Variants in PLVAP observed in about 807,000 individuals in gnomAD.
PLVAP encodes plasmalemma vesicle-associated protein.
A neutral mutation model predicts 43.1 loss-of-function variants in PLVAP; 34 were observed. The ratio of observed to expected loss-of-function variants is 0.79; its 90% CI spans 0.60 to 1.05. The LOEUF (loss-of-function observed/expected upper bound fraction) is 1.05, where lower values mean the gene tolerates loss of function less well. PLVAP is among the 50% of genes least tolerant of loss of function. The pLI is 0.00. For missense variants in PLVAP, 574 were observed against 593.4 expected (o/e 0.97, Z 0.34); for synonymous variants, 241 against 237.3 (o/e 1.02, Z -0.14).
rs1316539150 is a variant in PLVAP at position 17,351,782 on chromosome 19, C to G, written c.*580G>C. Reference sequence around the variant, plus strand: ...GGCCCGTGTGCCAGGGTCGGGGGAACGTGACACTAGGTGAGAATTGGGTAG... The same window carrying G: ...GGCCCGTGTGCCAGGGTCGGGGGAAGGTGACACTAGGTGAGAATTGGGTAG... On this transcript the variant is annotated 3_prime_UTR_variant, in exon 6 of 6. Transcript: ENST00000252590. 3 of 153,124 alleles carry G rather than the reference C, an allele frequency of 2.0e-5. No individual in the cohort carries two copies. Among genetic ancestry groups the G allele is most frequent in the Admixed American group, 6.5e-5 (1 of 15,370 alleles). 9.5% of individuals were successfully genotyped at this position (153,124 alleles called of 1,614,324 possible).
chr19:17,375,880 C>CAA (rs35375080), intron 1 of PLVAP, among the ~76,000 whole-genome samples: 1,571 of 132,746 alleles, frequency 0.012, 24 homozygotes, highest in African/African-American at 0.039. Flanking sequence ...GACTCCGTCT[C>CAA]AAAAAAAAAA....
At chr19:17,359,423 T>C (rs1361819391) in intron 5 of PLVAP, among the ~76,000 whole-genome samples, 1 of 150,022 alleles carries the variant, frequency 6.7e-6, no homozygotes, top group Non-Finnish European at 1.5e-5. Flanking sequence ...CTCTCTTTTT[T>C]TGAGACAGAG....
intron 1 of PLVAP, among the ~76,000 whole-genome samples, chr19:17,375,543 C>G (rs2074591445): frequency 6.6e-6 from 1 of 151,560 alleles, no homozygotes. Context: ...AGTTCAAGAC[C>G]AGCCTCAGCA....
chr19:17,352,990 G>T (rs1446119482), intron 5 of PLVAP, among the ~76,000 whole-genome samples: 2 of 151,840 alleles, frequency 1.3e-5, no homozygotes, highest in African/African-American at 4.8e-5. Flanking sequence ...GCACCCTCCG[G>T]CCCCACCGCC....
Position 17,365,383 on chromosome 19 carries a change from A to G in PLVAP, c.1082T>C (p.Leu361Pro). 2.5e-6 allele frequency: 4 copies of G among 1,613,408 alleles called. No individual in the cohort carries two copies. Among genetic ancestry groups the G allele is most frequent in the Non-Finnish European group, 3.4e-6 (4 of 1,180,022 alleles). Residue 361 changes from leucine to proline, a missense_variant, in exon 3 of 6, where the codon CTG (leucine) becomes CCG (proline). By Grantham distance (98) the Leu-to-Pro change is moderately conservative. Transcript: ENST00000252590. ...KAVLRKERDNLAKELEEKKRE... is the reference protein window; with the variant it reads ...KAVLRKERDNPAKELEEKKRE... The stretch of plus-strand genomic sequence containing the variant: ...CTTCTTCTCTTCCAGCTCCTTGGCC[A>G]GGTTGTCTCGTTCCTTCCGCAGCAC...
At chr19:17,373,894 G>GCTC (rs998622581) in intron 1 of PLVAP, among the ~76,000 whole-genome samples, 13 of 152,284 alleles carry the variant, frequency 8.5e-5, no homozygotes, top group African/African-American at 3.1e-4. Context: ...AGGCGCAATG[G>GCTC]CTCACTCCTG....
At chr19:17,368,224 A>C (rs1425515546) in intron 1 of PLVAP, among the ~76,000 whole-genome samples, 1 of 151,884 alleles carries the variant, frequency 6.6e-6, no homozygotes, top group Admixed American at 6.6e-5. Flanking sequence ...GGCACGCACC[A>C]CCATGCTTGG....
Position 17,364,890 on chromosome 19 carries a change from A to T in PLVAP, c.1179+396T>A, listed in dbSNP as rs148601771. On this transcript the variant is annotated intron_variant, in intron 3 of 5. Transcript: ENST00000252590. ...CGGGTTCAAGCGATTCTCCTGCTTC[A>T]GCCTCCTGAGTAGCTGGGATTACAG... Among the ~76,000 whole-genome samples, 256 of 146,226 alleles carry T rather than the reference A, an allele frequency of 1.8e-3. 1 individual carries two copies. Among genetic ancestry groups the T allele is most frequent in the Non-Finnish European group, 2.8e-3 (187 of 67,486 alleles).
At chr19:17,361,077 G>T in intron 3 of PLVAP, 1 of 431,262 alleles carries the variant, frequency 2.3e-6, no homozygotes, top group Non-Finnish European at 4.2e-6. Flanking sequence ...ACCATGCCTG[G>T]CTAATTTTTT....
chr19:17,360,505 C>G, intron 5 of PLVAP, 23 bp downstream of exon 5: 1 of 1,606,678 alleles, frequency 6.2e-7, no homozygotes, highest in Non-Finnish European at 8.5e-7. Context: ...GACTGAACAA[C>G]TGCAGTCTGC....
chr19:17,355,993 T>C (rs1276537664), intron 5 of PLVAP, among the ~76,000 whole-genome samples: 1 of 152,160 alleles, frequency 6.6e-6, no homozygotes, highest in South Asian at 2.1e-4. Context: ...GGCGCACACA[T>C]CACCAACAGA....
chr19:17,376,425 G>A (rs955656389), intron 1 of PLVAP, among the ~76,000 whole-genome samples: 13 of 151,992 alleles, frequency 8.6e-5, no homozygotes, highest in African/African-American at 3.1e-4. Context: ...AGGAGATTGA[G>A]GTTGCAGTGA....
intron 1 of PLVAP, among the ~76,000 whole-genome samples, chr19:17,372,488 G>A (rs1198834743): frequency 6.7e-6 from 1 of 149,200 alleles, no homozygotes; most frequent in African/African-American, 2.4e-5. Flanking sequence ...ACGGAGTCTC[G>A]CTCTGTCGCC....
intron 3 of PLVAP, among the ~76,000 whole-genome samples, chr19:17,363,760 T>TGA (rs1393348562): frequency 9.4e-6 from 1 of 106,660 alleles, no homozygotes; most frequent in African/African-American, 3.5e-5. Context: ...TTTTTTTTTT[T>TGA]GAGAGAGAAT....
chr19:17,360,866 G>A, intron 3 of PLVAP, 34 bp from the exon 4 acceptor site: 2 of 1,577,890 alleles, frequency 1.3e-6, no homozygotes, highest in Non-Finnish European at 1.7e-6. Flanking sequence ...GTTGGTAGGA[G>A]CCAGGGCTTC....
Position 17,365,770 on chromosome 19 carries a change from T to C in PLVAP, c.695A>G (p.Lys232Arg), listed in dbSNP as rs1195311246. 5 of 1,614,110 alleles carry C rather than the reference T, an allele frequency of 3.1e-6. No individual in the cohort carries two copies. The highest frequency in any genetic ancestry group is 4.2e-6 in the Non-Finnish European group (5 of 1,180,016). Residue 232 changes from lysine (K) to arginine (R), a missense_variant, in exon 3 of 6, where the codon AAG becomes AGG. Lys to Arg is a conservative substitution (Grantham distance 26). Transcript: ENST00000252590. ...QALCLPLDKDKFEMDLRNLWR... is the reference protein window; with the variant it reads ...QALCLPLDKDRFEMDLRNLWR... ...CAGGTTACGAAGGTCCATCTCAAAC[T>C]TGTCCTTGTCCAGGGGCAGGCAGAG...
intron 5 of PLVAP, among the ~76,000 whole-genome samples, chr19:17,357,783 A>G (rs1191495711): frequency 6.6e-6 from 1 of 152,234 alleles, no homozygotes; most frequent in African/African-American, 2.4e-5. Flanking sequence ...AGGCGAGTCA[A>G]GGGCAGAAGC....
At chr19:17,372,677 C>T (rs557034312) in intron 1 of PLVAP, among the ~76,000 whole-genome samples, 13 of 150,540 alleles carry the variant, frequency 8.6e-5, no homozygotes, top group African/African-American at 1.7e-4. Context: ...AGCATGGTCT[C>T]GATCTCCTGA....
chr19:17,365,614 T>C lies in PLVAP; in HGVS notation c.851A>G (p.Glu284Gly). 3 of 1,613,382 alleles carry C rather than the reference T, an allele frequency of 1.9e-6. No homozygotes were observed. Among genetic ancestry groups the C allele is most frequent in the Non-Finnish European group, 2.5e-6 (3 of 1,180,026 alleles). ...CGCCCGGAGGCTCCGGGCCAGCTCCTCCACCTTGGAGCTCATGAGGCTGGG... is the reference window on the plus strand; with the variant it reads ...CGCCCGGAGGCTCCGGGCCAGCTCCCCCACCTTGGAGCTCATGAGGCTGGG... ...HMPSLMSSKV[E>G]ELARSLRADI... The change falls in exon 3 of 6, where the codon GAG (glutamate) becomes GGG (glycine). Residue 284 changes from glutamate to glycine, a missense_variant. Coordinates refer to ENST00000252590, the MANE Select transcript of PLVAP (RefSeq NM_031310.3).
Sources: allele counts gnomAD v4.1 joint callset (sites outside exome capture counted in the v4.1 genomes callset), GRCh38; gene constraint gnomAD v4.1.1; transcripts MANE v1.5; gene names NCBI Gene and HGNC (gene_info 2026-07-23, HGNC 2026-07-21).